The following SNX31 variants were observed in gnomAD, a reference collection of about 807,000 sequenced individuals.
SNX31 encodes the protein sorting nexin 31, also known as sorting nexin-31.
SNX31 carries 58 observed loss-of-function variants against 65.4 expected under a neutral mutation model. The observed-to-expected ratio is 0.89, with a 90% CI of 0.72 to 1.10. SNX31 has a LOEUF of 1.10. SNX31 is among the 50% of genes least tolerant of loss of function. SNX31 has a pLI of 0.00. For synonymous variants in SNX31, 181 were observed against 190.1 expected (o/e 0.95, Z 0.39); for missense variants, 523 against 529.7 (o/e 0.99, Z 0.12).
chr8:100,628,716 T>C (rs1818220346), intron 4 of SNX31, among the ~76,000 whole-genome samples: 1 of 152,068 alleles, frequency 6.6e-6, no homozygotes, highest in Admixed American at 6.6e-5. Context: ...ATTGTGCACA[T>C]GTACCCTAAA....
intron 10 of SNX31, among the ~76,000 whole-genome samples, chr8:100,593,141 A>G (rs776125492): frequency 6.6e-6 from 1 of 152,204 alleles, no homozygotes; most frequent in Non-Finnish European, 1.5e-5. Context: ...ACTACATACC[A>G]TACCATTGAA....
At chr8:100,638,274 T>C (rs1180593366) in intron 2 of SNX31, among the ~76,000 whole-genome samples, 4 of 152,248 alleles carry the variant, frequency 2.6e-5, no homozygotes, top group Admixed American at 2.6e-4. Context: ...TGCCATCTAA[T>C]ATGGTTGGCA....
intron 11 of SNX31, among the ~76,000 whole-genome samples, chr8:100,585,078 C>T (rs1044008080): frequency 1.3e-5 from 2 of 152,074 alleles, no homozygotes; most frequent in Non-Finnish European, 2.9e-5. Context: ...CTCATAGTCA[C>T]CTTCACTATC....
At chr8:100,615,689 T>C (rs1817110940) in intron 5 of SNX31, among the ~76,000 whole-genome samples, 1 of 152,232 alleles carries the variant, frequency 6.6e-6, no homozygotes, top group African/African-American at 2.4e-5. Flanking sequence ...AGTAGTATAG[T>C]AGGCATGTTA....
intron 2 of SNX31, among the ~76,000 whole-genome samples, chr8:100,644,573 G>A (rs1310223373): frequency 1.3e-5 from 2 of 152,224 alleles, no homozygotes; most frequent in African/African-American, 4.8e-5. Flanking sequence ...GCCTCACTGG[G>A]GACAGGACTG....
intron 2 of SNX31, among the ~76,000 whole-genome samples, chr8:100,647,973 G>A (rs567144343): frequency 1.2e-4 from 18 of 152,178 alleles, no homozygotes; most frequent in South Asian, 8.3e-4. Context: ...TTTGACAATC[G>A]TTCCTAAGGA....
chr8:100,577,194 C>G, intron 12 of SNX31, 119 bp from the exon 13 acceptor site: 1 of 818,712 alleles, frequency 1.2e-6, no homozygotes, highest in Non-Finnish European at 2.0e-6. Flanking sequence ...CAAAGGCTGC[C>G]GGTCAGCAGG....
chr8:100,639,188 A>G (rs1818984316), intron 2 of SNX31, among the ~76,000 whole-genome samples: 1 of 152,230 alleles, frequency 6.6e-6, no homozygotes, highest in Admixed American at 6.5e-5. Context: ...GAACTTTACA[A>G]CAGAAGCTTC....
chr8:100,592,936 C>T lies in SNX31; in HGVS notation c.978+3703G>A, dbSNP rs1049570498. Among the ~76,000 whole-genome samples the T allele has an allele frequency of 4.6e-5, 7 of 152,112 alleles. No homozygotes were observed. The South Asian group carries it at 6.2e-4, about 14-fold the overall frequency. ...AGCTCAAGCGGTTACCTCCTCATGCCGGACTTTCTATGTGTCCATTAATAT... is the reference window on the plus strand; with the variant it reads ...AGCTCAAGCGGTTACCTCCTCATGCTGGACTTTCTATGTGTCCATTAATAT... On this transcript the variant is annotated intron_variant, in intron 10 of 13. Coordinates refer to ENST00000311812, the MANE Select transcript of SNX31 (RefSeq NM_152628.4).
rs1816756060 is a variant in SNX31 at position 100,612,012 on chromosome 8, C to T, written c.599G>A (p.Gly200Glu). 1 of 1,613,996 alleles carries T rather than the reference C, an allele frequency of 6.2e-7. No individual in the cohort carries two copies. The highest frequency in any genetic ancestry group is 1.3e-5 in the African/African-American group (1 of 75,014). Residue 200 changes from glycine to glutamate, a missense_variant, in exon 7 of 14, where the codon GGA (glycine) becomes GAA (glutamate). By Grantham distance (98) the Gly-to-Glu change is moderately conservative. Transcript: ENST00000311812. This position sits in a 1 kb window ranked among gnomAD's most constrained non-coding sequence, Gnocchi z 4.3. ...GSSEVENCKVGLRKWYMAPSL... is the reference protein window; with the variant it reads ...GSSEVENCKVELRKWYMAPSL... ...AGAACCTACTTACCACTTTCGGAGT[C>T]CAACCTTACAGTTTTCCACCTCAGA...
intron 5 of SNX31, among the ~76,000 whole-genome samples, chr8:100,616,209 C>T (rs1191851861): frequency 6.6e-6 from 1 of 152,184 alleles, no homozygotes; most frequent in East Asian, 1.9e-4. Context: ...GAATCCAGGA[C>T]TCATCCTAAA....
At chr8:100,607,524 G>T (rs1563541997) in intron 8 of SNX31, among the ~76,000 whole-genome samples, 1 of 152,154 alleles carries the variant, frequency 6.6e-6, no homozygotes. Context: ...AAATGAAAAT[G>T]TTGTTCAAAA....
chr8:100,606,553 G>A (rs1018983924), intron 8 of SNX31, among the ~76,000 whole-genome samples: 1 of 151,974 alleles, frequency 6.6e-6, no homozygotes, highest in African/African-American at 2.4e-5. Flanking sequence ...GGTAAGCCAG[G>A]GTAACAAAAT....
intron 10 of SNX31, among the ~76,000 whole-genome samples, chr8:100,592,415 T>C (rs899357416): frequency 1.3e-5 from 2 of 151,360 alleles, no homozygotes; most frequent in African/African-American, 2.4e-5. Context: ...ATAAATGAAA[T>C]CACAATGGGA....
In SNX31 at chr8:100,604,001, G is replaced by A. The variant is rs1815907887; in HGVS notation, c.682-3560C>T. ...ACTCTGCCCACCTCTGCCTCCCAAA[G>A]TGCTGGAATTACAGGCGTGAGCCAC... On this transcript the variant is annotated intron_variant, in intron 8 of 13. Coordinates refer to ENST00000311812, the MANE Select transcript of SNX31 (RefSeq NM_152628.4). This position sits in a 1 kb window ranked among gnomAD's most constrained non-coding sequence, Gnocchi z 4.3. Among the ~76,000 whole-genome samples, 1 of 152,180 alleles carries A rather than the reference G, an allele frequency of 6.6e-6. No homozygotes were observed.
At chr8:100,606,675 G>A (rs945170833) in intron 8 of SNX31, among the ~76,000 whole-genome samples, 1 of 152,168 alleles carries the variant, frequency 6.6e-6, no homozygotes, top group African/African-American at 2.4e-5. Flanking sequence ...TCTCTCCTGA[G>A]TTTATAAAAG....
rs184278500 is a variant in SNX31 at position 100,577,154 on chromosome 8, T to A, written c.1171-79A>T. On this transcript the variant is annotated intron_variant, in intron 12 of 13. Coordinates refer to ENST00000311812, the MANE Select transcript of SNX31 (RefSeq NM_152628.4). ...AACAATCTATTTAACTAGCACACTT[T>A]CCCTTCCACGATAATCCTCTTAATC... The A allele has an allele frequency of 2.4e-6, 3 of 1,232,232 alleles. No homozygotes were observed. In the African/African-American group the frequency reaches 4.5e-5, roughly 18 times the overall value. 76.3% of individuals were successfully genotyped at this position (1,232,232 alleles called of 1,614,324 possible). A position where few individuals can be genotyped will look rare whatever the true frequency, so the allele number is the denominator to read the frequency against.
chr8:100,612,332 AT>A lies in SNX31; in HGVS notation c.524-246del, dbSNP rs1816785475. 6.6e-6 allele frequency among the ~76,000 whole-genome samples: 1 copy of A among 152,186 alleles called. No homozygotes were observed. The highest frequency in any genetic ancestry group is 2.4e-5 in the African/African-American group (1 of 41,438). On this transcript the variant is annotated intron_variant, in intron 6 of 13. Transcript: ENST00000311812. The surrounding 1 kb of genome is among the most constrained non-coding windows in gnomAD (Gnocchi z 4.3). ...TTTACACTGTGATATAGATGAAAAA[AT>A]AGATCCGGAGACATCCAGCGCCTTC...
intron 2 of SNX31, among the ~76,000 whole-genome samples, chr8:100,647,797 G>A (rs1421185359): frequency 6.6e-6 from 1 of 152,108 alleles, no homozygotes; most frequent in African/African-American, 2.4e-5. Context: ...ACAGAGGAGG[G>A]TAGGAGAGGA....
Sources: allele counts gnomAD v4.1 joint callset (sites outside exome capture counted in the v4.1 genomes callset), GRCh38; gene constraint gnomAD v4.1.1; non-coding constraint Gnocchi (gnomAD v3.1); transcripts MANE v1.5; gene names NCBI Gene and HGNC (gene_info 2026-07-23, HGNC 2026-07-21).